The following MED1 variants were observed in gnomAD, a reference collection of about 807,000 sequenced individuals.
The protein encoded by MED1 is mediator complex subunit 1.
In MED1, 17 loss-of-function variants were observed where a neutral mutation model predicts 121.3. The ratio of observed to expected loss-of-function variants is 0.14; its 90% confidence interval spans 0.10 to 0.21. The LOEUF is 0.21. Among genes scored for constraint, MED1 ranks in the 10% least tolerant of loss-of-function variants. The pLI, the probability that MED1 is intolerant of heterozygous loss-of-function variation, is 1.00. For missense variants in MED1, 1,558 were observed against 1,919.4 expected, an observed-to-expected ratio of 0.81 and a Z score of 3.52; for synonymous variants, 661 against 694.4, an observed-to-expected ratio of 0.95 and a Z score of 0.76.
At chr17:39,414,634 CTTTTTTTT>C (rs55829399) in intron 16 of MED1, among the ~76,000 whole-genome samples, 2,038 of 61,546 alleles carry the variant, frequency 0.033, 683 homozygotes, top group South Asian at 0.073. Flanking sequence ...CAGGCCCGGC[CTTTTTTTT>C]TTTTTTTTTT....
chr17:39,447,905 C>T lies in MED1; in HGVS notation c.26-1G>A. ...CTCATCTTACTCAGCTTTTCTGACT[C>T]TATGATTTAAATCAGAAAACGTTAT... On this transcript the variant is annotated splice_acceptor_variant, in intron 1 of 16. Transcript: ENST00000300651. LOFTEE classifies it high-confidence loss of function. 1 of 1,602,024 alleles carries T rather than the reference C, an allele frequency of 6.2e-7. No homozygotes were observed. Among genetic ancestry groups the T allele is most frequent in the Non-Finnish European group, 8.5e-7 (1 of 1,170,506 alleles).
intron 2 of MED1, chr17:39,445,541 A>T (rs1197670553): frequency 6.6e-6 from 1 of 152,070 alleles, no homozygotes; most frequent in Non-Finnish European, 1.5e-5. Flanking sequence ...TTGATGTACC[A>T]ATAAAATTAG....
At position 39,440,479 on chromosome 17, in the gene MED1, G is replaced by A. The variant is rs777219395; in HGVS notation, c.306C>T (p.Tyr102=). 5.6e-6 allele frequency: 9 copies of A among 1,606,410 alleles called. No homozygotes were observed. The highest frequency in any genetic ancestry group is 7.6e-6 in the Non-Finnish European group (9 of 1,178,296). ...SHLSASGTEC[Y]ITSDMFYVEV... is the part of the protein sequence containing the mutation. ...CCACATAGAACATATCTGACGTGAT[G>A]TAACATTCAGTGCCACTGGCACTGA... The change falls in exon 5 of 17, where the codon TAC becomes TAT. Residue 102 remains tyrosine, a synonymous_variant. Coordinates refer to ENST00000300651, the MANE Select transcript of MED1 (RefSeq NM_004774.4). The surrounding 1 kb of genome is among the most constrained non-coding windows in gnomAD (Gnocchi z 4.1).
rs1218815365 is a variant in MED1 at position 39,440,088 on chromosome 17, G to A, written c.399+298C>T. On this transcript the variant is annotated intron_variant, in intron 5 of 16. Coordinates refer to ENST00000300651, the MANE Select transcript of MED1 (RefSeq NM_004774.4). This position sits in a 1 kb window ranked among gnomAD's most constrained non-coding sequence, Gnocchi z 4.1. ...AAAGAAAAAGAAAGCAAGCAAGCAAGCAAGAAAGAAAGAAAGAAAAAAGAA... is the reference window on the plus strand; with the variant it reads ...AAAGAAAAAGAAAGCAAGCAAGCAAACAAGAAAGAAAGAAAGAAAAAAGAA... Among the ~76,000 whole-genome samples, 1 of 149,442 alleles carries A rather than the reference G, an allele frequency of 6.7e-6. No homozygotes were observed. Among genetic ancestry groups the A allele is most frequent in the Non-Finnish European group, 1.5e-5 (1 of 67,430 alleles).
chr17:39,447,386 C>T (rs1229914251), intron 2 of MED1, among the ~76,000 whole-genome samples: 8 of 116,586 alleles, frequency 6.9e-5, no homozygotes, highest in Admixed American at 1.9e-4. Context: ...AGTGAAACTC[C>T]GTCTCAATAA....
At chr17:39,413,161 G>A (rs2048372149) in intron 16 of MED1, among the ~76,000 whole-genome samples, 1 of 151,780 alleles carries the variant, frequency 6.6e-6, no homozygotes, top group Non-Finnish European at 1.5e-5. Flanking sequence ...TGCAGCCTCC[G>A]CCTCCCAGGT....
At chr17:39,426,637 C>T (rs573031489) in intron 10 of MED1, among the ~76,000 whole-genome samples, 10 of 151,658 alleles carry the variant, frequency 6.6e-5, no homozygotes, top group Non-Finnish European at 1.0e-4. Flanking sequence ...CAGGTTCAAG[C>T]GATTCTCCTG....
intron 10 of MED1, among the ~76,000 whole-genome samples, chr17:39,425,726 T>TG (rs1567645985): frequency 1.3e-5 from 2 of 150,086 alleles, no homozygotes; most frequent in Non-Finnish European, 3.0e-5. Context: ...CACTTGAACC[T>TG]GGGGGGCGGA....
At position 39,406,438 on chromosome 17, in the gene MED1, T is replaced by A; in HGVS notation, c.*1037A>T. 1 of 985,416 alleles carries A rather than the reference T, an allele frequency of 1.0e-6. No individual in the cohort carries two copies. The highest frequency in any genetic ancestry group is 4.7e-5 in the South Asian group (1 of 21,288). The allele number at this position is 985,416 out of a possible 1,614,324, so 61.0% of individuals were successfully genotyped here. A position where few individuals can be genotyped will look rare whatever the true frequency, so the allele number is the denominator to read the frequency against. On this transcript the variant is annotated 3_prime_UTR_variant, in exon 17 of 17. Transcript: ENST00000300651. Reference sequence around the variant, plus strand: ...GCTGGGATGCAGACTTTTGGCACATTGTGGAAGTAGGAGAACTATTAATCC... The same window carrying A: ...GCTGGGATGCAGACTTTTGGCACATAGTGGAAGTAGGAGAACTATTAATCC...
At chr17:39,443,368 C>A (rs2048697386) in intron 3 of MED1, among the ~76,000 whole-genome samples, 182 bp downstream of exon 3, 1 of 152,050 alleles carries the variant, frequency 6.6e-6, no homozygotes, top group Admixed American at 6.6e-5. Flanking sequence ...AAAACAGGAT[C>A]AAAAATAAAT....
intron 7 of MED1, among the ~76,000 whole-genome samples, chr17:39,433,614 C>T (rs780108994): frequency 2.0e-5 from 3 of 151,354 alleles, no homozygotes; most frequent in Admixed American, 6.6e-5. Flanking sequence ...AGCACAGTGA[C>T]GCAATCACTG....
At chr17:39,433,661 G>A (rs1005189124) in intron 7 of MED1, among the ~76,000 whole-genome samples, 1 of 151,628 alleles carries the variant, frequency 6.6e-6, no homozygotes, top group Admixed American at 6.6e-5. Context: ...TGAAGTGATC[G>A]TCCCACCTTA....
chr17:39,450,616 C>T (rs2144782120), intron 1 of MED1, among the ~76,000 whole-genome samples: 1 of 152,314 alleles, frequency 6.6e-6, no homozygotes, highest in East Asian at 1.9e-4. Context: ...GGCACAGGAT[C>T]TGAACACTTG....
chr17:39,422,685 A>C (rs1393037008), intron 13 of MED1, among the ~76,000 whole-genome samples: 3 of 151,292 alleles, frequency 2.0e-5, no homozygotes, highest in African/African-American at 7.3e-5. Context: ...CATGTTATCC[A>C]GGCTGGTCTC....
chr17:39,432,103 G>T lies in MED1; in HGVS notation c.501-87C>A. ...TCAGCCTGTAATCCCAGCACCTTGG[G>T]AGGCTGAGGCGGGCAGATCACCTGA... On this transcript the variant is annotated intron_variant, in intron 7 of 16. Coordinates refer to ENST00000300651, the MANE Select transcript of MED1 (RefSeq NM_004774.4). 3 of 926,898 alleles carry T rather than the reference G, an allele frequency of 3.2e-6. No homozygotes were observed. In the South Asian group the frequency reaches 4.1e-5, roughly 13 times the overall value. 57.4% of individuals were successfully genotyped at this position (926,898 alleles called of 1,614,324 possible).
chr17:39,418,482 GT>G (rs2048431354), intron 14 of MED1, among the ~76,000 whole-genome samples: 1 of 150,772 alleles, frequency 6.6e-6, no homozygotes, highest in Non-Finnish European at 1.5e-5. Flanking sequence ...GCAGAAAGCT[GT>G]TATCATGCCA....
chr17:39,434,548 G>A (rs531267408), intron 6 of MED1, among the ~76,000 whole-genome samples: 4 of 152,296 alleles, frequency 2.6e-5, no homozygotes, highest in Middle Eastern at 3.4e-3. Flanking sequence ...GTGCTAATAA[G>A]CAGTGTGAAA....
rs568533751 is a variant in MED1, at chr17:39,409,410, G to A, written c.2811C>T (p.Ala937=). The change falls in exon 17 of 17, where the codon GCC becomes GCT. Residue 937 remains alanine (A), a synonymous_variant. Coordinates refer to ENST00000300651, the MANE Select transcript of MED1 (RefSeq NM_004774.4). Reference sequence around the variant, plus strand: ...GATCTGCAGGAGCTAAAGCTTTGCCGGCTACTGAAATAATACTGAAATCAA... The same window carrying A: ...GATCTGCAGGAGCTAAAGCTTTGCCAGCTACTGAAATAATACTGAAATCAA... The part of the protein sequence containing the change: ...DTVDFSIISV[A]GKALAPADLM... 1.4e-5 allele frequency: 23 copies of A among 1,613,912 alleles called. No individual in the cohort carries two copies. The Admixed American group carries it at 1.7e-4, about 12-fold the overall frequency.
chr17:39,406,217 C>T lies in MED1; in HGVS notation c.*1258G>A. On this transcript the variant is annotated 3_prime_UTR_variant, in exon 17 of 17. Coordinates refer to ENST00000300651, the MANE Select transcript of MED1 (RefSeq NM_004774.4). Reference sequence around the variant, plus strand: ...AGCAAGGGTTTATCTTCATGCTCACCTAGCATTCCAGGCCCCCATTACTTC... The same window carrying T: ...AGCAAGGGTTTATCTTCATGCTCACTTAGCATTCCAGGCCCCCATTACTTC... The T allele has an allele frequency of 2.0e-6, 2 of 985,560 alleles. No individual in the cohort carries two copies. The highest frequency in any genetic ancestry group is 2.4e-6 in the Non-Finnish European group (2 of 829,934). 61.1% of individuals were successfully genotyped at this position (985,560 alleles called of 1,614,324 possible).
Sources: gnomAD v4.1 joint callset for allele counts (sites outside exome capture counted in the v4.1 genomes callset) on GRCh38, gnomAD v4.1.1 for gene constraint, Gnocchi (gnomAD v3.1) non-coding constraint, MANE v1.5 for transcripts, NCBI Gene and HGNC (gene_info 2026-07-23, HGNC 2026-07-21) for gene names.